Variants in TACR3 observed in about 807,000 individuals in gnomAD.
TACR3 encodes the protein neuromedin-K receptor.
Under a neutral mutation model 35.0 loss-of-function variants are expected in TACR3, and 34 were observed. The ratio of observed to expected loss-of-function variants is 0.97; its 90% CI spans 0.74 to 1.30. The LOEUF (loss-of-function observed/expected upper bound fraction) is 1.30, where lower values mean the gene tolerates loss of function less well. Among genes scored for constraint, TACR3 ranks in the 50% most tolerant of loss-of-function variants. The pLI is 0.00. For missense variants in TACR3, 558 were observed against 591.7 expected, an observed-to-expected ratio of 0.94 and a Z score of 0.59; for synonymous variants, 233 against 221.1, an observed-to-expected ratio of 1.05 and a Z score of -0.48.
At chr4:103,614,882 G>A (rs1724600032) in intron 3 of TACR3, among the ~76,000 whole-genome samples, 2 of 90,818 alleles carry the variant, frequency 2.2e-5, no homozygotes, top group African/African-American at 8.7e-5. Context: ...GATTATGAAT[G>A]TGTTTTTTTT....
intron 1 of TACR3, 112 bp downstream of exon 1, chr4:103,719,016 T>A (rs1379640879): frequency 2.7e-6 from 4 of 1,455,578 alleles, no homozygotes; most frequent in Non-Finnish European, 3.8e-6. Context: ...ATTCTTAGTC[T>A]CTTTACTTTT....
intron 3 of TACR3, among the ~76,000 whole-genome samples, chr4:103,614,697 C>T (rs560816121): frequency 6.6e-6 from 1 of 151,900 alleles, no homozygotes; most frequent in African/African-American, 2.4e-5. Flanking sequence ...TGAGAACACT[C>T]ATCACTCAGG....
At position 103,719,286 on chromosome 4, in the gene TACR3, G is replaced by A. The variant is rs1380859399; in HGVS notation, c.390C>T (p.Ser130=). 5 of 1,614,218 alleles carry A rather than the reference G, an allele frequency of 3.1e-6. No homozygotes were observed. Among genetic ancestry groups the A allele is most frequent in the Non-Finnish European group, 4.2e-6 (5 of 1,180,040 alleles). The change falls in exon 1 of 5, where the codon TCC becomes TCT. Residue 130 remains serine, a synonymous_variant. Transcript: ENST00000304883. ...TNYFLVNLAF[S]DASMAAFNTL... ...TGTTGAAGGCGGCCATGGAGGCGTCGGAGAAAGCCAGGTTCACAAGGAAGT... is the reference window on the plus strand; with the variant it reads ...TGTTGAAGGCGGCCATGGAGGCGTCAGAGAAAGCCAGGTTCACAAGGAAGT...
intron 1 of TACR3, among the ~76,000 whole-genome samples, chr4:103,682,742 C>T (rs1011561161): frequency 1.3e-5 from 2 of 152,072 alleles, no homozygotes; most frequent in African/African-American, 4.8e-5. Context: ...CTCTTAGGAT[C>T]TCATAAGGTG....
chr4:103,607,619 G>T (rs1317006102), intron 3 of TACR3, among the ~76,000 whole-genome samples: 1 of 151,982 alleles, frequency 6.6e-6, no homozygotes, highest in African/African-American at 2.4e-5. Flanking sequence ...TTGTTTTTGT[G>T]TACTTAATCT....
intron 3 of TACR3, among the ~76,000 whole-genome samples, chr4:103,649,920 C>T (rs1725551207): frequency 1.3e-5 from 2 of 152,174 alleles, no homozygotes; most frequent in African/African-American, 4.8e-5. Context: ...TGTGTCTGGG[C>T]ATTGAAGAGT....
intron 1 of TACR3, among the ~76,000 whole-genome samples, chr4:103,711,223 C>T (rs1349781400): frequency 6.6e-6 from 1 of 152,168 alleles, no homozygotes. Flanking sequence ...CCCTGATGAA[C>T]ATTGATGCAA....
Position 103,658,302 on chromosome 4 carries a change from G to A in TACR3, c.650C>T (p.Pro217Leu). The A allele has an allele frequency of 2.5e-6, 4 of 1,613,936 alleles. No homozygotes were observed. The highest frequency in any genetic ancestry group is 1.7e-6 in the Non-Finnish European group (2 of 1,179,930). ...TTTGGTTTTGGAATAAAGACACTGA[G>A]GGAAGGCAAGTAGAAATGCTAGAAT... is the stretch of plus-strand genomic sequence containing the variant. ...IWILAFLLAF[P>L]QCLYSKTKVM... Residue 217 changes from proline to leucine, a missense_variant, in exon 2 of 5, where the codon CCT (proline) becomes CTT (leucine). By Grantham distance (98) the Pro-to-Leu change is moderately conservative. Transcript: ENST00000304883.
At chr4:103,590,744 A>G (rs895354834) in intron 4 of TACR3, among the ~76,000 whole-genome samples, 3 of 152,222 alleles carry the variant, frequency 2.0e-5, no homozygotes, top group African/African-American at 7.2e-5. Context: ...GGTTTATTAC[A>G]GGACTTACGA....
At chr4:103,700,241 C>A (rs557384663) in intron 1 of TACR3, among the ~76,000 whole-genome samples, 1 of 152,160 alleles carries the variant, frequency 6.6e-6, no homozygotes, top group African/African-American at 2.4e-5. Context: ...ACTTTGTATT[C>A]CAGTTGGGAA....
intron 3 of TACR3, among the ~76,000 whole-genome samples, chr4:103,605,586 G>T (rs887108136): frequency 1.1e-4 from 17 of 151,788 alleles, no homozygotes; most frequent in Non-Finnish European, 1.8e-4. Flanking sequence ...CAGTGATGAT[G>T]AACATTTTTT....
intron 1 of TACR3, among the ~76,000 whole-genome samples, chr4:103,702,834 A>C (rs977956027): frequency 4.2e-5 from 6 of 144,174 alleles, no homozygotes; most frequent in Admixed American, 2.2e-4. Context: ...TCTCACTCAT[A>C]GGTGGGAATT....
chr4:103,690,110 A>G (rs899459525), intron 1 of TACR3, among the ~76,000 whole-genome samples: 1 of 152,186 alleles, frequency 6.6e-6, no homozygotes, highest in Non-Finnish European at 1.5e-5. Flanking sequence ...TTCAAAAACA[A>G]GTTGAAATAA....
At chr4:103,605,665 C>T (rs1312849546) in intron 3 of TACR3, among the ~76,000 whole-genome samples, 6 of 151,960 alleles carry the variant, frequency 3.9e-5, no homozygotes, top group Non-Finnish European at 7.4e-5. Context: ...ACCCACTTTT[C>T]GATGGGGTTG....
intron 1 of TACR3, among the ~76,000 whole-genome samples, chr4:103,701,615 A>C (rs1722649952): frequency 6.6e-6 from 1 of 152,194 alleles, no homozygotes; most frequent in Non-Finnish European, 1.5e-5. Context: ...CAAAAGAACA[A>C]AGCTGGAGGC....
chr4:103,687,788 G>A (rs1722283859), intron 1 of TACR3, among the ~76,000 whole-genome samples: 1 of 152,142 alleles, frequency 6.6e-6, no homozygotes, highest in South Asian at 2.1e-4. Flanking sequence ...CTCATGTATA[G>A]GAAGAATCAA....
chr4:103,628,293 A>G (rs1030219006), intron 3 of TACR3, among the ~76,000 whole-genome samples: 2 of 152,186 alleles, frequency 1.3e-5, no homozygotes, highest in African/African-American at 4.8e-5. Flanking sequence ...AATCACTAAG[A>G]TCAGAGCAGA....
intron 1 of TACR3, among the ~76,000 whole-genome samples, chr4:103,711,803 A>T (rs1472411778): frequency 6.6e-6 from 1 of 152,218 alleles, no homozygotes; most frequent in Non-Finnish European, 1.5e-5. Context: ...AAGTTTCAGG[A>T]TACAAAATCG....
chr4:103,692,271 T>C (rs992585645), intron 1 of TACR3, among the ~76,000 whole-genome samples: 4 of 152,158 alleles, frequency 2.6e-5, no homozygotes, highest in African/African-American at 4.8e-5. Context: ...AGATTTGCTA[T>C]ATAAATATCA....
Sources: allele counts gnomAD v4.1 joint callset (sites outside exome capture counted in the v4.1 genomes callset), GRCh38; gene constraint gnomAD v4.1.1; transcripts MANE v1.5; gene names NCBI Gene and HGNC (gene_info 2026-07-23, HGNC 2026-07-21).